FOXP1: variants seen among roughly 807,000 people sequenced by gnomAD.
The protein encoded by FOXP1 is forkhead box protein P1.
FOXP1 carries 15 observed loss-of-function variants against 98.2 expected under a neutral mutation model. The ratio of observed to expected loss-of-function variants is 0.15; its 90% CI spans 0.10 to 0.24. The LOEUF is 0.24. Among genes scored for constraint, FOXP1 ranks in the 10% least tolerant of loss-of-function variants. FOXP1 has a pLI of 1.00. For synonymous variants in FOXP1, 371 were observed against 314.5 expected, an observed-to-expected ratio of 1.18 and a Z score of -1.90; for missense variants, 633 against 848.5, an observed-to-expected ratio of 0.75 and a Z score of 3.15.
At chr3:71,202,613 G>A (rs1454831417) in intron 5 of FOXP1, among the ~76,000 whole-genome samples, 2 of 152,170 alleles carry the variant, frequency 1.3e-5, no homozygotes, top group Admixed American at 6.5e-5. Context: ...AATCGGTTAA[G>A]GGATAGATGT....
chr3:71,429,467 C>T (rs965811031), intron 3 of FOXP1, among the ~76,000 whole-genome samples: 5 of 76,632 alleles, frequency 6.5e-5, no homozygotes, highest in African/African-American at 2.8e-4. Flanking sequence ...GTGTGCTGCT[C>T]GTGAGAACTT....
chr3:71,303,837 G>T (rs1369445281), intron 4 of FOXP1, among the ~76,000 whole-genome samples: 2 of 151,728 alleles, frequency 1.3e-5, no homozygotes, highest in Non-Finnish European at 2.9e-5. Flanking sequence ...AAAACAGAGG[G>T]GAAAAAGAAA....
At chr3:71,496,910 T>C (rs1482946393) in intron 2 of FOXP1, among the ~76,000 whole-genome samples, 2 of 151,874 alleles carry the variant, frequency 1.3e-5, no homozygotes, top group Non-Finnish European at 1.5e-5. Flanking sequence ...TATTTTAAAG[T>C]AACCAGGCAT....
intron 7 of FOXP1, among the ~76,000 whole-genome samples, chr3:71,070,376 G>A (rs1576577318): frequency 6.6e-6 from 1 of 152,072 alleles, no homozygotes; most frequent in East Asian, 1.9e-4. Context: ...AGAGCATGTC[G>A]GCGCATTTTC....
At chr3:71,190,657 A>G (rs1287565321) in intron 6 of FOXP1, among the ~76,000 whole-genome samples, 1 of 151,390 alleles carries the variant, frequency 6.6e-6, no homozygotes, top group Admixed American at 6.6e-5. Context: ...AAAAAAAAAA[A>G]AAAAGAAAAA....
intron 3 of FOXP1, among the ~76,000 whole-genome samples, chr3:71,430,647 C>G (rs1234750657): frequency 6.6e-6 from 1 of 152,122 alleles, no homozygotes; most frequent in Non-Finnish European, 1.5e-5. Flanking sequence ...TTTAAATTTT[C>G]AATCTCAGGG....
At chr3:71,405,574 C>T (rs1225914105) in intron 3 of FOXP1, among the ~76,000 whole-genome samples, 2 of 152,080 alleles carry the variant, frequency 1.3e-5, no homozygotes, top group Admixed American at 1.3e-4. Flanking sequence ...AGATCTGATT[C>T]CACAGATTTA....
At chr3:71,273,742 A>G (rs1211012003) in intron 5 of FOXP1, among the ~76,000 whole-genome samples, 1 of 152,212 alleles carries the variant, frequency 6.6e-6, no homozygotes, top group African/African-American at 2.4e-5. Flanking sequence ...AATAAATAAC[A>G]ATACAAAGTA....
At chr3:71,561,212 A>T (rs529621936) in intron 2 of FOXP1, among the ~76,000 whole-genome samples, 2 of 151,852 alleles carry the variant, frequency 1.3e-5, no homozygotes, top group African/African-American at 4.8e-5. Flanking sequence ...ATGCACCACC[A>T]CGCCCGGCTC....
At chr3:71,198,754 G>C (rs1032876793) in intron 5 of FOXP1, among the ~76,000 whole-genome samples, 1 of 151,602 alleles carries the variant, frequency 6.6e-6, no homozygotes, top group African/African-American at 2.4e-5. Context: ...GTGCAGCGGT[G>C]CAATCTCGGC....
intron 4 of FOXP1, among the ~76,000 whole-genome samples, chr3:71,351,640 C>A (rs1347318160): frequency 6.6e-6 from 1 of 152,176 alleles, no homozygotes; most frequent in African/African-American, 2.4e-5. Context: ...AATAAAAAGC[C>A]TTCCAGGTGA....
chr3:71,119,840 T>G (rs183184034), intron 6 of FOXP1, among the ~76,000 whole-genome samples: 29 of 152,334 alleles, frequency 1.9e-4, no homozygotes, highest in African/African-American at 7.0e-4. Flanking sequence ...CTTGTAGAAC[T>G]GGAAGTATTC....
rs117538801 is a variant in FOXP1, at chr3:71,406,071, C to T, written c.-167-46827G>A. On this transcript the variant is annotated intron_variant, in intron 3 of 20. Coordinates refer to ENST00000649528, the MANE Select transcript of FOXP1 (RefSeq NM_001349338.3). ...TAAAGCTTTTCACTCCAACATGCAG[C>T]CTTGTTGGAGAACAACTGTTCCAGT... Among the ~76,000 whole-genome samples the T allele has an allele frequency of 8.5e-5, 13 of 152,254 alleles. No homozygotes were observed. The East Asian group carries it at 2.5e-3, about 29-fold the overall frequency.
At chr3:71,284,233 T>A (rs1203455003) in intron 5 of FOXP1, among the ~76,000 whole-genome samples, 2 of 152,022 alleles carry the variant, frequency 1.3e-5, no homozygotes, top group South Asian at 2.1e-4. Context: ...TTCTACTGAT[T>A]TTCCCCCCTC....
chr3:71,481,037 A>G (rs939240306), intron 3 of FOXP1, among the ~76,000 whole-genome samples: 1 of 152,192 alleles, frequency 6.6e-6, no homozygotes, highest in Non-Finnish European at 1.5e-5. Context: ...CATGACATAT[A>G]TCACTACAAT....
intron 4 of FOXP1, among the ~76,000 whole-genome samples, chr3:71,301,108 G>T (rs1336687870): frequency 6.6e-6 from 1 of 152,168 alleles, no homozygotes; most frequent in Non-Finnish European, 1.5e-5. Context: ...CATGTTTACT[G>T]TAAGAGGAAA....
At chr3:71,582,632 T>A (rs1426724900) in intron 1 of FOXP1, 3 of 985,226 alleles carry the variant, frequency 3.0e-6, no homozygotes, top group South Asian at 4.7e-5. Flanking sequence ...TCAGAAAATG[T>A]GTGTGATGGT....
At chr3:70,961,546 A>T (rs935263903) in intron 20 of FOXP1, among the ~76,000 whole-genome samples, 1 of 152,114 alleles carries the variant, frequency 6.6e-6, no homozygotes, top group African/African-American at 2.4e-5. Flanking sequence ...TTTTTATTTA[A>T]AAGGAACAGT....
At chr3:70,992,260 G>T (rs1408689838) in intron 13 of FOXP1, among the ~76,000 whole-genome samples, 1 of 152,162 alleles carries the variant, frequency 6.6e-6, no homozygotes, top group Non-Finnish European at 1.5e-5. Flanking sequence ...CTTAAACAGT[G>T]GCTGTATACG....
Sources: allele counts gnomAD v4.1 joint callset (sites outside exome capture counted in the v4.1 genomes callset), GRCh38; gene constraint gnomAD v4.1.1; transcripts MANE v1.5; gene names NCBI Gene and HGNC (gene_info 2026-07-23, HGNC 2026-07-21).